BCAR1: variants seen among roughly 807,000 people sequenced by gnomAD.
BCAR1 encodes BCAR1 scaffold protein, Cas family member, also known as breast cancer anti-estrogen resistance protein 1.
A neutral mutation model predicts 67.6 loss-of-function variants in BCAR1; 30 were observed. The observed-to-expected ratio is 0.44, with a 90% CI of 0.33 to 0.60. The LOEUF (loss-of-function observed/expected upper bound fraction) is 0.60, where lower values mean the gene tolerates loss of function less well. Among genes scored for constraint, BCAR1 ranks in the 20% least tolerant of loss-of-function variants. BCAR1 has a pLI of 0.02. For synonymous variants in BCAR1, 626 were observed against 556.7 expected, an observed-to-expected ratio of 1.12 and a Z score of -1.75; for missense variants, 1,313 against 1,222.3, an observed-to-expected ratio of 1.07 and a Z score of -1.11.
chr16:75,238,575 C>A, intron 2 of BCAR1: 1 of 988,880 alleles, frequency 1.0e-6, no homozygotes, highest in Non-Finnish European at 1.2e-6. Context: ...CACCCCCCAG[C>A]AGCCGCAGGC....
intron 1 of BCAR1, chr16:75,267,785 C>A (rs1484210338): frequency 8.4e-6 from 8 of 950,250 alleles, no homozygotes; most frequent in East Asian, 2.7e-5. Context: ...AAGGGAGGGG[C>A]GCAGATGGAG....
intron 1 of BCAR1, chr16:75,267,772 C>G (rs953168691): frequency 5.8e-6 from 5 of 859,654 alleles, no homozygotes; most frequent in Non-Finnish European, 9.0e-6. Flanking sequence ...GAAAGGAGAG[C>G]CCAAGGGAGG....
chr16:75,248,466 G>A (rs778033248), intron 1 of BCAR1: 93 of 682,312 alleles, frequency 1.4e-4, no homozygotes, highest in Non-Finnish European at 1.7e-4. Flanking sequence ...TCCGCACCCG[G>A]GACCCACCTG....
At chr16:75,260,940 C>G (rs2151480163) in intron 1 of BCAR1, among the ~76,000 whole-genome samples, 1 of 152,268 alleles carries the variant, frequency 6.6e-6, no homozygotes, top group Admixed American at 6.5e-5. Flanking sequence ...TGATCCCAGA[C>G]TATTTGTGTC....
chr16:75,229,420 C>G lies in BCAR1; in HGVS notation c.*91G>C. The G allele has an allele frequency of 7.0e-7, 1 of 1,438,558 alleles. No homozygotes were observed. The highest frequency in any genetic ancestry group is 1.5e-5 in the South Asian group (1 of 68,532). 89.1% of individuals were successfully genotyped at this position (1,438,558 alleles called of 1,614,324 possible). On this transcript the variant is annotated 3_prime_UTR_variant, in exon 7 of 7. Coordinates refer to ENST00000162330, the MANE Select transcript of BCAR1 (RefSeq NM_014567.5). Reference sequence around the variant, plus strand: ...CCGACGCAGAGCTGGGGTCCTGTCCCTAAGCCTGTGGCACAGCGACTCTTG... The same window carrying G: ...CCGACGCAGAGCTGGGGTCCTGTCCGTAAGCCTGTGGCACAGCGACTCTTG...
intron 1 of BCAR1, chr16:75,264,458 T>C (rs997450769): frequency 6.7e-7 from 1 of 1,503,370 alleles, no homozygotes; most frequent in Non-Finnish European, 8.9e-7. Flanking sequence ...TCCAGAACTT[T>C]CCAGGAGAGC....
intron 6 of BCAR1, among the ~76,000 whole-genome samples, chr16:75,232,188 T>C (rs941956612): frequency 6.6e-6 from 1 of 151,308 alleles, no homozygotes; most frequent in African/African-American, 2.4e-5. Flanking sequence ...TGAGACGGAA[T>C]CTCACCCTGT....
chr16:75,267,814 C>G lies in BCAR1; in HGVS notation c.66+101G>C. 3 of 1,285,090 alleles carry G rather than the reference C, an allele frequency of 2.3e-6. No homozygotes were observed. In the South Asian group the frequency reaches 3.9e-5, roughly 17 times the overall value. 79.6% of individuals were successfully genotyped at this position (1,285,090 alleles called of 1,614,324 possible). A position where few individuals can be genotyped will look rare whatever the true frequency, so the allele number is the denominator to read the frequency against. ...GATGGAGCTGGACCCTCCAATCCAT[C>G]TCATCCTGCCTCTTACCGCCCCAGG... On this transcript the variant is annotated intron_variant, in intron 1 of 6. Transcript: ENST00000393422.
chr16:75,267,247 G>C (rs372797585), intron 1 of BCAR1, among the ~76,000 whole-genome samples: 4 of 152,188 alleles, frequency 2.6e-5, no homozygotes, highest in African/African-American at 7.2e-5. Flanking sequence ...TCCCTGTTCT[G>C]GCAGTGATGA....
Position 75,235,309 on chromosome 16 carries a change from G to C in BCAR1, c.1590C>G (p.Ala530=). 3 of 1,604,702 alleles carry C rather than the reference G, an allele frequency of 1.9e-6. No individual in the cohort carries two copies. The highest frequency in any genetic ancestry group is 1.1e-5 in the South Asian group (1 of 90,994). The change falls in exon 5 of 7, where the codon GCC becomes GCG. Residue 530 remains alanine, a synonymous_variant. Transcript: ENST00000162330. ...CATGCAGGGCACGGTCAGATGTGTG[G>C]GCAGCATTGCCCACCGCGCTGCGGG... The part of the protein sequence containing the change: ...EFARSAVGNA[A]HTSDRALHAK...
intron 1 of BCAR1, among the ~76,000 whole-genome samples, chr16:75,245,065 G>A (rs118152453): frequency 1.3e-5 from 2 of 152,246 alleles, no homozygotes; most frequent in Non-Finnish European, 2.9e-5. Flanking sequence ...GGGACAGGCA[G>A]TGCGGCAGGT....
In BCAR1 at chr16:75,229,722, C is replaced by T. The variant is rs758611739; in HGVS notation, c.2402G>A (p.Arg801Gln). 10 of 1,613,040 alleles carry T rather than the reference C, an allele frequency of 6.2e-6. No individual in the cohort carries two copies. Among genetic ancestry groups the T allele is most frequent in the East Asian group, 2.2e-5 (1 of 44,890 alleles). Residue 801 changes from arginine to glutamine, a missense_variant, in exon 7 of 7, where the codon CGG (arginine) becomes CAG (glutamine). Coordinates refer to ENST00000162330, the MANE Select transcript of BCAR1 (RefSeq NM_014567.5). ...GCGCACGTCAGCAGCCTTGGCCTGC[C>T]GTGACAGTGTGTCCCCGATGAACAC... ...KLVFIGDTLS[R>Q]QAKAADVRSQ...
intron 1 of BCAR1, among the ~76,000 whole-genome samples, chr16:75,251,184 G>A (rs983100475): frequency 2.0e-5 from 3 of 152,094 alleles, no homozygotes; most frequent in Non-Finnish European, 4.4e-5. Flanking sequence ...GTCGGCCGGG[G>A]AGCGCGGGCC....
upstream of BCAR1, chr16:75,252,410 A>G (rs895462728): frequency 1.1e-5 from 16 of 1,458,276 alleles, no homozygotes; most frequent in Admixed American, 3.1e-4. Context: ...TGGGGGAATG[A>G]GGGAGATAGA....
chr16:75,263,194 G>T, intron 1 of BCAR1: 1 of 985,260 alleles, frequency 1.0e-6, no homozygotes, highest in African/African-American at 1.7e-5. Flanking sequence ...TGGGAAGCAA[G>T]AAGCAGAACA....
chr16:75,267,692 A>G (rs1017315383), intron 1 of BCAR1, among the ~76,000 whole-genome samples: 2 of 148,724 alleles, frequency 1.3e-5, no homozygotes, highest in African/African-American at 5.0e-5. Flanking sequence ...CATCTCCCCC[A>G]TATCTAGGTG....
chr16:75,232,966 C>G (rs1163273702), intron 6 of BCAR1, among the ~76,000 whole-genome samples: 2 of 150,970 alleles, frequency 1.3e-5, no homozygotes, highest in Non-Finnish European at 2.9e-5. Context: ...TCTTCATAAT[C>G]AGAATAAAGC....
Position 75,235,579 on chromosome 16 carries a change from A to C in BCAR1, c.1320T>G (p.Ser440=), listed in dbSNP as rs61729595. 0.069 allele frequency: 109,317 copies of C among 1,593,716 alleles called. 4,313 individuals are homozygous for C. Among genetic ancestry groups the C allele is most frequent in the Non-Finnish European group, 0.076 (88,651 of 1,170,322 alleles). Residue 440 remains serine (S), a synonymous_variant, in exon 5 of 7, where the codon TCT becomes TCG. Transcript: ENST00000162330. The part of the protein sequence containing the change: ...SSTGSTRSSQ[S]ASSLEVAGPG... Reference sequence around the variant, plus strand: ...GCCCTGCCACCTCCAAGGAGGACGCAGACTGGCTGCTGCGTGTGCTGCCGG... The same window carrying C: ...GCCCTGCCACCTCCAAGGAGGACGCCGACTGGCTGCTGCGTGTGCTGCCGG...
At chr16:75,245,106 A>G (rs1271443606) in intron 1 of BCAR1, among the ~76,000 whole-genome samples, 1 of 152,216 alleles carries the variant, frequency 6.6e-6, no homozygotes, top group East Asian at 1.9e-4. Flanking sequence ...GAGGAGCGGG[A>G]GGGCGGGGGC....
Sources: allele counts gnomAD v4.1 joint callset (sites outside exome capture counted in the v4.1 genomes callset), GRCh38; gene constraint gnomAD v4.1.1; transcripts MANE v1.5; gene names NCBI Gene and HGNC (gene_info 2026-07-23, HGNC 2026-07-21).